The following SPAG1 variants were observed in gnomAD, a reference collection of about 807,000 sequenced individuals.
SPAG1 encodes the protein sperm-associated antigen 1.
Under a neutral mutation model 100.5 loss-of-function variants are expected in SPAG1, and 69 were observed. The observed-to-expected ratio is 0.69, with a 90% CI of 0.57 to 0.84. SPAG1 has a LOEUF of 0.84. Among genes scored for constraint, SPAG1 ranks in the 40% least tolerant of loss-of-function variants. The probability of loss-of-function intolerance (pLI) is 0.00; values close to 1 mark genes in which losing one functional copy is unlikely to be tolerated. For missense variants in SPAG1, 955 were observed against 1,133.1 expected (o/e 0.84, Z 2.26); for synonymous variants, 336 against 411.6 (o/e 0.82, Z 2.22).
intron 10 of SPAG1, among the ~76,000 whole-genome samples, chr8:100,208,492 A>C (rs974765537): frequency 2.0e-5 from 3 of 152,230 alleles, no homozygotes; most frequent in African/African-American, 7.2e-5. Flanking sequence ...AGGAAAAAAA[A>C]CCACGACCTG....
Position 100,241,265 on chromosome 8 carries a change from TTTTAA to T in SPAG1, c.*248_*252del. On this transcript the variant is annotated 3_prime_UTR_variant, in exon 19 of 19. Transcript: ENST00000388798. This position sits in a 1 kb window ranked among gnomAD's most constrained non-coding sequence, Gnocchi z 5.1. ...ATATTTAGAACTTGTTAAAAATACATTTTAATTTATGATATACATATTATTTTAAT... is the reference window on the plus strand; with the variant it reads ...ATATTTAGAACTTGTTAAAAATACATTTTATGATATACATATTATTTTAAT... 1 of 279,912 alleles carries T rather than the reference TTTTAA, an allele frequency of 3.6e-6. No individual in the cohort carries two copies. Among genetic ancestry groups the T allele is most frequent in the African/African-American group, 2.2e-5 (1 of 45,912 alleles). The allele number at this position is 279,912 out of a possible 1,614,324, so 17.3% of individuals were successfully genotyped here. A position where few individuals can be genotyped will look rare whatever the true frequency, so the allele number is the denominator to read the frequency against.
rs762091892 is a variant in SPAG1, at chr8:100,240,498, A to G, written c.2376A>G (p.Pro792=). 6.8e-6 allele frequency: 11 copies of G among 1,614,070 alleles called. No homozygotes were observed. The highest frequency in any genetic ancestry group is 1.3e-5 in the African/African-American group (1 of 74,922). ...AGGGAGGCAAAAGCAGCAGGTCACCAGAAGACCCTGAGAAACTTCCGATAG... is the reference window on the plus strand; with the variant it reads ...AGGGAGGCAAAAGCAGCAGGTCACCGGAAGACCCTGAGAAACTTCCGATAG... ...SEKGGKSSRS[P]EDPEKLPIAK... The change falls in exon 18 of 19, where the codon CCA becomes CCG. Residue 792 remains proline (P), a synonymous_variant. Coordinates refer to ENST00000388798, the MANE Select transcript of SPAG1 (RefSeq NM_003114.5).
At chr8:100,188,355 G>A (rs3104200) in intron 8 of SPAG1, among the ~76,000 whole-genome samples, 95,947 of 151,748 alleles carry the variant, frequency 0.63, 30,761 homozygotes, top group African/African-American at 0.74. Context: ...GGGTTTCACT[G>A]TGTCGCCCAG....
intron 10 of SPAG1, among the ~76,000 whole-genome samples, chr8:100,206,590 A>G (rs1817527083): frequency 6.6e-6 from 1 of 152,204 alleles, no homozygotes; most frequent in Non-Finnish European, 1.5e-5. Flanking sequence ...CTACCTCAGT[A>G]AAATTTCCTG....
chr8:100,232,535 G>C (rs1025111452), intron 15 of SPAG1, among the ~76,000 whole-genome samples: 1 of 152,094 alleles, frequency 6.6e-6, no homozygotes, highest in African/African-American at 2.4e-5. Context: ...AAGCTCAGAT[G>C]CTCCTACCTT....
At chr8:100,220,228 G>A (rs762246077) in intron 12 of SPAG1, 51 bp from the exon 13 acceptor site, 17 of 1,514,276 alleles carry the variant, frequency 1.1e-5, no homozygotes, top group Middle Eastern at 1.7e-4. Context: ...AAGTATAAAC[G>A]AAAGAGCATT....
At chr8:100,187,072 T>C in intron 7 of SPAG1, 48 bp from the exon 8 acceptor site, 2 of 1,565,548 alleles carry the variant, frequency 1.3e-6, no homozygotes, top group Non-Finnish European at 8.7e-7. Context: ...TCTACATTCT[T>C]ATGTTTACCT....
chr8:100,165,172 A>T, intron 2 of SPAG1: 1 of 438,268 alleles, frequency 2.3e-6, no homozygotes, highest in Non-Finnish European at 4.6e-6. Flanking sequence ...GCAACAAAAA[A>T]TACCAATATT....
intron 10 of SPAG1, among the ~76,000 whole-genome samples, chr8:100,199,335 G>A (rs751914574): frequency 8.5e-5 from 13 of 152,128 alleles, no homozygotes; most frequent in East Asian, 3.8e-4. Context: ...AACTCCTTAC[G>A]GTTTTAATTT....
At chr8:100,236,124 A>G (rs1214025812) in intron 16 of SPAG1, among the ~76,000 whole-genome samples, 1 of 152,314 alleles carries the variant, frequency 6.6e-6, no homozygotes, top group South Asian at 2.1e-4. Flanking sequence ...TGTGGGTATC[A>G]TCATTAATAC....
chr8:100,191,253 G>T (rs1209014650), intron 8 of SPAG1, 137 bp from the exon 9 acceptor site: 2 of 595,856 alleles, frequency 3.4e-6, no homozygotes, highest in African/African-American at 1.9e-5. Context: ...GTATCAACAT[G>T]AAAAAGGGTG....
intron 3 of SPAG1, among the ~76,000 whole-genome samples, chr8:100,172,281 A>G (rs908999564): frequency 1.3e-5 from 2 of 152,126 alleles, no homozygotes; most frequent in Non-Finnish European, 2.9e-5. Context: ...ATACATATTT[A>G]CTTATATTTT....
At chr8:100,238,618 C>T (rs1252949777) in intron 16 of SPAG1, among the ~76,000 whole-genome samples, 1 of 152,152 alleles carries the variant, frequency 6.6e-6, no homozygotes, top group Non-Finnish European at 1.5e-5. Flanking sequence ...CCTTTCTTTC[C>T]CTCAACTTCT....
intron 4 of SPAG1, among the ~76,000 whole-genome samples, chr8:100,180,936 G>GA (rs1207530659): frequency 6.6e-6 from 1 of 152,108 alleles, no homozygotes; most frequent in African/African-American, 2.4e-5. Context: ...TGAATATTTG[G>GA]AAAATCTGTA....
intron 14 of SPAG1, among the ~76,000 whole-genome samples, chr8:100,228,179 T>C (rs1678370045): frequency 1.3e-5 from 2 of 152,112 alleles, no homozygotes; most frequent in South Asian, 4.1e-4. Context: ...GGCAGAAATA[T>C]TCTGTGATTT....
In SPAG1 at chr8:100,176,048, AT is replaced by A. The variant is rs373711186; in HGVS notation, c.301-1761del. Reference sequence around the variant, plus strand: ...CTTACTAATAAATATCCTTTGTGGCATTTTTTTCCCCAAGAATACAGCACTT... The same window carrying A: ...CTTACTAATAAATATCCTTTGTGGCATTTTTTCCCCAAGAATACAGCACTT... On this transcript the variant is annotated intron_variant, in intron 3 of 18. Coordinates refer to ENST00000388798, the MANE Select transcript of SPAG1 (RefSeq NM_003114.5). Among the ~76,000 whole-genome samples the A allele has an allele frequency of 6.2e-3, 946 of 151,954 alleles. 9 individuals carry two copies. The highest frequency in any genetic ancestry group is 0.022 in the African/African-American group (899 of 41,416).
At chr8:100,200,519 C>T (rs1817229571) in intron 10 of SPAG1, among the ~76,000 whole-genome samples, 1 of 152,200 alleles carries the variant, frequency 6.6e-6, no homozygotes, top group African/African-American at 2.4e-5. Flanking sequence ...GAGGAATCGC[C>T]ACACTGTCTT....
At chr8:100,218,634 GA>G (rs919172942) in intron 12 of SPAG1, among the ~76,000 whole-genome samples, 9 of 152,074 alleles carry the variant, frequency 5.9e-5, no homozygotes, top group African/African-American at 1.9e-4. Flanking sequence ...ACCTATTATA[GA>G]AAACTTAAGA....
chr8:100,222,051 C>T (rs1818306336), intron 13 of SPAG1, among the ~76,000 whole-genome samples: 1 of 152,258 alleles, frequency 6.6e-6, no homozygotes, highest in Admixed American at 6.5e-5. Flanking sequence ...CTTCCTTGGC[C>T]TTGACCAGGC....
Sources: gnomAD v4.1 joint callset for allele counts (sites outside exome capture counted in the v4.1 genomes callset) on GRCh38, gnomAD v4.1.1 for gene constraint, Gnocchi (gnomAD v3.1) non-coding constraint, MANE v1.5 for transcripts, NCBI Gene and HGNC (gene_info 2026-07-23, HGNC 2026-07-21) for gene names.